TTC3: variants seen among roughly 807,000 people sequenced by gnomAD.
The protein encoded by TTC3 is tetratricopeptide repeat domain 3.
In TTC3, 180 loss-of-function variants were observed where a neutral mutation model predicts 249.6. The ratio of observed to expected loss-of-function variants is 0.72; its 90% confidence interval spans 0.64 to 0.82. The LOEUF (loss-of-function observed/expected upper bound fraction) is 0.82. TTC3 is among the 40% of genes least tolerant of loss of function. The pLI, the probability that TTC3 is intolerant of heterozygous loss-of-function variation, is 0.00. For missense variants in TTC3, 2,061 were observed against 2,398.4 expected (o/e 0.86, Z 2.94); for synonymous variants, 717 against 805.0 (o/e 0.89, Z 1.85).
chr21:37,166,567 C>T, exon 33 of TTC3: 2 of 1,613,964 alleles, frequency 1.2e-6, no homozygotes, highest in Non-Finnish European at 8.5e-7. Flanking sequence ...TTCCAGAAAG[C>T]ACCAGTGCAG....
chr21:37,192,237 T>G, intron 41 of TTC3, 24 bp downstream of exon 41: 1 of 1,493,006 alleles, frequency 6.7e-7, no homozygotes, highest in African/African-American at 1.4e-5. Context: ...ATCTTTTTTT[T>G]TTTTTTAAAC....
exon 46 of TTC3, chr21:37,201,584 AC>A: frequency 6.2e-7 from 1 of 1,609,958 alleles, no homozygotes; most frequent in Non-Finnish European, 8.5e-7. Context: ...GTCACACTTC[AC>A]TAAAGTGTCA....
At chr21:37,156,727 C>T (rs755312072) in exon 28 of TTC3, 7 of 1,614,052 alleles carry the variant, frequency 4.3e-6, no homozygotes, top group Non-Finnish European at 5.1e-6. Context: ...AGTATCATGA[C>T]TTTCCTCTGG....
chr21:37,166,292 C>T lies in TTC3; in HGVS notation c.4078C>T (p.Gln1360Ter), dbSNP rs754443702. 1 of 1,614,212 alleles carries T rather than the reference C, an allele frequency of 6.2e-7. No individual in the cohort carries two copies. The highest frequency in any genetic ancestry group is 8.5e-7 in the Non-Finnish European group (1 of 1,180,024). The change falls in exon 33 of 46, where the codon CAG becomes TAG. Residue 1360 changes from glutamine to a stop codon, truncating the protein, a stop_gained. Coordinates refer to ENST00000355666, the Ensembl canonical transcript of TTC3. LOFTEE classifies it high-confidence loss of function. Reference sequence around the variant, plus strand: ...CTTGGCCAGCCTTTCTCCTGAATATCAGCTACCAAGATCAGTACCAGTGGT... The same window carrying T: ...CTTGGCCAGCCTTTCTCCTGAATATTAGCTACCAAGATCAGTACCAGTGGT...
At chr21:37,075,906 A>T (rs952906627) in intron 1 of TTC3, among the ~76,000 whole-genome samples, 3 of 152,062 alleles carry the variant, frequency 2.0e-5, no homozygotes, top group Non-Finnish European at 2.9e-5. Flanking sequence ...TGTTTAAAAA[A>T]TTTTTCTTTT....
exon 35 of TTC3, chr21:37,172,604 T>G (rs760027779): frequency 1.2e-6 from 2 of 1,608,972 alleles, no homozygotes; most frequent in Non-Finnish European, 1.7e-6. Context: ...GGGGGAAATT[T>G]CACGGATTGA....
intron 4 of TTC3, 107 bp downstream of exon 4, chr21:37,088,453 G>A: frequency 7.3e-7 from 1 of 1,365,562 alleles, no homozygotes; most frequent in African/African-American, 1.4e-5. Context: ...CTTGTATGCT[G>A]CTCAACGTTT....
At chr21:37,113,585 A>G (rs1358524192) in intron 11 of TTC3, among the ~76,000 whole-genome samples, 2 of 152,336 alleles carry the variant, frequency 1.3e-5, no homozygotes, top group African/African-American at 4.8e-5. Flanking sequence ...AGGAAGAATC[A>G]ATATTGTGAA....
At chr21:37,142,827 G>A (rs972499172) in intron 20 of TTC3, among the ~76,000 whole-genome samples, 25 of 152,190 alleles carry the variant, frequency 1.6e-4, no homozygotes, top group South Asian at 8.3e-4. Flanking sequence ...GAGGCATCAC[G>A]CTACCTGACT....
intron 20 of TTC3, among the ~76,000 whole-genome samples, chr21:37,143,035 C>G (rs548513944): frequency 6.6e-6 from 1 of 152,316 alleles, no homozygotes; most frequent in African/African-American, 2.4e-5. Context: ...GGAAAACTGG[C>G]TAGCCATATG....
At position 37,092,586 on chromosome 21, in the gene TTC3, A is replaced by G. The variant is rs544971410; in HGVS notation, c.601+1173A>G. ...AGGTTAAGTGTTGTTTCTGCAGTAT[A>G]GTAAGTAGTAGGTAGTAGTAGGTAA... is the stretch of plus-strand genomic sequence containing the variant. On this transcript the variant is annotated intron_variant, in intron 7 of 45. Coordinates refer to ENST00000355666, the Ensembl canonical transcript of TTC3. 9.2e-5 allele frequency among the ~76,000 whole-genome samples: 14 copies of G among 152,334 alleles called. No homozygotes were observed. In the South Asian group the frequency reaches 2.7e-3, roughly 29 times the overall value.
At chr21:37,091,199 A>G (rs1032668591) in intron 6 of TTC3, 94 bp from the exon 7 acceptor site, 4 of 1,360,900 alleles carry the variant, frequency 2.9e-6, no homozygotes, top group Admixed American at 3.9e-5. Context: ...TGTAGTAAGG[A>G]TCTGAAATAC....
At chr21:37,181,935 A>G (rs2082798855) in intron 35 of TTC3, among the ~76,000 whole-genome samples, 2 of 151,430 alleles carry the variant, frequency 1.3e-5, no homozygotes, top group South Asian at 4.1e-4. Flanking sequence ...GATAGGAAGT[A>G]AAAAATTAAA....
intron 27 of TTC3, among the ~76,000 whole-genome samples, chr21:37,155,207 G>A (rs2079916252): frequency 1.6e-5 from 2 of 127,628 alleles, no homozygotes; most frequent in South Asian, 2.5e-4. Context: ...TCAATAAAAC[G>A]ACTATTGGGT....
In TTC3 at chr21:37,197,574, G is replaced by A. The variant is rs1233154092; in HGVS notation, c.5584G>A (p.Glu1862Lys). The change falls in exon 43 of 46, where the codon GAG (glutamate) becomes AAG (lysine). Residue 1862 changes from glutamate to lysine, a missense_variant. Physicochemically the swap from Glu to Lys is moderately conservative, Grantham distance 56 (BLOSUM62 1). Coordinates refer to ENST00000355666, the Ensembl canonical transcript of TTC3. ...ATCACTCACTCTCCCTTTCAGCACT[G>A]AGCTTGCTGGTTTTATTAAAAAAGT... The A allele has an allele frequency of 1.9e-6, 3 of 1,611,658 alleles. No individual in the cohort carries two copies. The African/African-American group carries it at 4.0e-5, about 22-fold the overall frequency.
At chr21:37,084,617 CAA>C (rs538272761) in intron 1 of TTC3, among the ~76,000 whole-genome samples, 16 of 152,316 alleles carry the variant, frequency 1.1e-4, no homozygotes, top group African/African-American at 2.9e-4. Flanking sequence ...CCCAAGGAAA[CAA>C]GAGAGCCAGG....
intron 11 of TTC3, among the ~76,000 whole-genome samples, chr21:37,111,589 G>C (rs376696767): frequency 6.6e-6 from 1 of 152,178 alleles, no homozygotes; most frequent in South Asian, 2.1e-4. Flanking sequence ...GACTCCCACA[G>C]AATAATAATG....
At chr21:37,154,513 A>G (rs2079803948) in intron 27 of TTC3, among the ~76,000 whole-genome samples, 1 of 152,204 alleles carries the variant, frequency 6.6e-6, no homozygotes, top group South Asian at 2.1e-4. Flanking sequence ...TATAAAGTTA[A>G]TGCTTGCTTT....
chr21:37,177,706 C>G (rs1009687361), intron 35 of TTC3, among the ~76,000 whole-genome samples: 1 of 152,224 alleles, frequency 6.6e-6, no homozygotes. Flanking sequence ...GCATCACTTT[C>G]TTGAGGAAAC....
Sources: gnomAD v4.1 joint callset for allele counts (sites outside exome capture counted in the v4.1 genomes callset) on GRCh38, gnomAD v4.1.1 for gene constraint, MANE v1.5 for transcripts, NCBI Gene and HGNC (gene_info 2026-07-23, HGNC 2026-07-21) for gene names.